Variants in SLC8A1 observed in about 807,000 individuals in gnomAD.
The protein encoded by SLC8A1 is sodium/calcium exchanger 1.
A neutral mutation model predicts 68.3 loss-of-function variants in SLC8A1; 18 were observed. The observed-to-expected ratio is 0.26, with a 90% confidence interval of 0.18 to 0.39. SLC8A1 has a LOEUF of 0.39. Among genes scored for constraint, SLC8A1 ranks in the 10% least tolerant of loss-of-function variants. The pLI, the probability that SLC8A1 is intolerant of heterozygous loss-of-function variation, is 1.00. For missense variants in SLC8A1, 985 were observed against 1,156.7 expected (o/e 0.85, Z 2.15); for synonymous variants, 475 against 415.5 (o/e 1.14, Z -1.74).
chr2:40,351,955 G>A (rs1421014526), intron 2 of SLC8A1, among the ~76,000 whole-genome samples: 2 of 152,114 alleles, frequency 1.3e-5, no homozygotes, highest in African/African-American at 2.4e-5. Flanking sequence ...GGGTATATGT[G>A]CATTCATAAA....
intron 2 of SLC8A1, among the ~76,000 whole-genome samples, chr2:40,315,554 G>A (rs116687507): frequency 0.015 from 2,310 of 150,834 alleles, 60 homozygotes; most frequent in African/African-American, 0.053. Context: ...AAGGGAAAAA[G>A]AACAGTGAAT....
intron 2 of SLC8A1, among the ~76,000 whole-genome samples, chr2:40,423,277 C>T (rs557908953): frequency 6.6e-6 from 1 of 152,058 alleles, no homozygotes; most frequent in South Asian, 2.1e-4. Context: ...CTTTTGTCCT[C>T]CAAAAGCAAA....
intron 5 of SLC8A1, among the ~76,000 whole-genome samples, chr2:40,161,101 T>C (rs1263320991): frequency 6.6e-6 from 1 of 152,190 alleles, no homozygotes; most frequent in Non-Finnish European, 1.5e-5. Context: ...CACTGACTAA[T>C]GAAGAATAGC....
chr2:40,205,635 T>C (rs141816809), intron 2 of SLC8A1, among the ~76,000 whole-genome samples: 633 of 151,862 alleles, frequency 4.2e-3, no homozygotes, highest in Non-Finnish European at 6.8e-3. Context: ...CAACACACAC[T>C]GGGGCCTTTC....
chr2:40,186,425 G>A (rs2050716480), intron 2 of SLC8A1, among the ~76,000 whole-genome samples: 1 of 152,106 alleles, frequency 6.6e-6, no homozygotes, highest in South Asian at 2.1e-4. Flanking sequence ...GGGAAAGGGA[G>A]GAGCAGTCAG....
chr2:40,147,209 A>G (rs2042634017), intron 6 of SLC8A1, among the ~76,000 whole-genome samples: 2 of 150,328 alleles, frequency 1.3e-5, no homozygotes, highest in Non-Finnish European at 3.0e-5. Context: ...CTGAAAATTG[A>G]TGGCTTTAGT....
chr2:40,395,069 G>A (rs1284370844), intron 2 of SLC8A1, among the ~76,000 whole-genome samples: 1 of 152,150 alleles, frequency 6.6e-6, no homozygotes, highest in Non-Finnish European at 1.5e-5. Flanking sequence ...CTGATGTCCA[G>A]AAAACAGGGA....
intron 2 of SLC8A1, among the ~76,000 whole-genome samples, chr2:40,216,310 C>A (rs2057476731): frequency 6.6e-6 from 1 of 152,156 alleles, no homozygotes. Context: ...CCAGCTTCAT[C>A]CATGTCCTTG....
chr2:40,297,231 A>G (rs2070562572), intron 2 of SLC8A1, among the ~76,000 whole-genome samples: 1 of 152,202 alleles, frequency 6.6e-6, no homozygotes, highest in Admixed American at 6.5e-5. Context: ...ATGTTCAATA[A>G]TAAATATGTA....
chr2:40,414,005 G>A (rs1375486106), intron 2 of SLC8A1, among the ~76,000 whole-genome samples: 2 of 152,054 alleles, frequency 1.3e-5, no homozygotes, highest in Non-Finnish European at 2.9e-5. Flanking sequence ...AAGAAAATTT[G>A]TAAGAATTAT....
chr2:40,294,074 C>T (rs991290638), intron 2 of SLC8A1, among the ~76,000 whole-genome samples: 2 of 152,084 alleles, frequency 1.3e-5, no homozygotes, highest in Non-Finnish European at 2.9e-5. Flanking sequence ...GCTGCTCATT[C>T]ACCTCAAACT....
At chr2:40,376,634 G>A (rs1679969965) in intron 2 of SLC8A1, among the ~76,000 whole-genome samples, 2 of 152,226 alleles carry the variant, frequency 1.3e-5, no homozygotes, top group South Asian at 2.1e-4. Context: ...TGTGGCAGAT[G>A]CAACCAACAA....
chr2:40,425,983 G>C (rs1300045445), intron 2 of SLC8A1, among the ~76,000 whole-genome samples: 4 of 151,780 alleles, frequency 2.6e-5, no homozygotes, highest in Non-Finnish European at 5.9e-5. Flanking sequence ...ACATATCTTT[G>C]ATAATATGTT....
chr2:40,482,479 A>T (rs76370483), intron 1 of SLC8A1, among the ~76,000 whole-genome samples: 4 of 152,308 alleles, frequency 2.6e-5, no homozygotes, highest in African/African-American at 9.6e-5. Context: ...GAAGGAACTC[A>T]TGTCTTTAGG....
At chr2:40,342,869 CT>C (rs1668139129) in intron 2 of SLC8A1, among the ~76,000 whole-genome samples, 1 of 152,058 alleles carries the variant, frequency 6.6e-6, no homozygotes, top group Non-Finnish European at 1.5e-5. Context: ...ATTCGGGGTT[CT>C]TGATACTGTG....
At position 40,490,835 on chromosome 2, in the gene SLC8A1, C is replaced by T. The variant is rs146453845; in HGVS notation, c.-25+21514G>A. 9.0e-3 allele frequency among the ~76,000 whole-genome samples: 1,370 copies of T among 151,992 alleles called. 15 individuals are homozygous for T. Among genetic ancestry groups the T allele is most frequent in the South Asian group, 0.059 (284 of 4,818 alleles). On this transcript the variant is annotated intron_variant, in intron 1 of 7. Transcript: ENST00000402441. ...ATGACTGAAATCCAGTTGGAACATACGGGAAAAGATGCTGATTATATTATA... is the reference window on the plus strand; with the variant it reads ...ATGACTGAAATCCAGTTGGAACATATGGGAAAAGATGCTGATTATATTATA...
At chr2:40,177,919 C>A in intron 2 of SLC8A1, 3 of 1,046,586 alleles carry the variant, frequency 2.9e-6, no homozygotes, top group Non-Finnish European at 4.4e-6. Context: ...CTCTTGGTGT[C>A]CACCAAGCTG....
chr2:40,362,086 G>T (rs1483616532), intron 2 of SLC8A1, among the ~76,000 whole-genome samples: 1 of 150,820 alleles, frequency 6.6e-6, no homozygotes, highest in Non-Finnish European at 1.5e-5. Context: ...GTAGAGATGG[G>T]GTTTCACCAT....
At chr2:40,428,320 G>C (rs1201399265) in intron 2 of SLC8A1, among the ~76,000 whole-genome samples, 153 bp downstream of exon 2, 1 of 151,914 alleles carries the variant, frequency 6.6e-6, no homozygotes, top group Non-Finnish European at 1.5e-5. Flanking sequence ...CCCAAGCAAA[G>C]ACTGATATCT....
Sources: gnomAD v4.1 joint callset for allele counts (sites outside exome capture counted in the v4.1 genomes callset) on GRCh38, gnomAD v4.1.1 for gene constraint, MANE v1.5 for transcripts, NCBI Gene and HGNC (gene_info 2026-07-23, HGNC 2026-07-21) for gene names.